The following NRXN3 variants were observed in gnomAD, a reference collection of about 807,000 sequenced individuals.
NRXN3 encodes neurexin III.
In NRXN3, 32 loss-of-function variants were observed where a neutral mutation model predicts 137.6. That is an observed-to-expected ratio of 0.23 (90% CI 0.18 to 0.31). The LOEUF (loss-of-function observed/expected upper bound fraction) is 0.31, where lower values mean the gene tolerates loss of function less well. NRXN3 is among the 10% of genes least tolerant of loss of function. The pLI is 1.00. For synonymous variants in NRXN3, 798 were observed against 784.5 expected, an observed-to-expected ratio of 1.02 and a Z score of -0.29; for missense variants, 1,574 against 2,062.5, an observed-to-expected ratio of 0.76 and a Z score of 4.59.
intron 1 of NRXN3, among the ~76,000 whole-genome samples, chr14:78,175,759 T>C (rs117067708): frequency 0.014 from 2,175 of 152,292 alleles, 15 homozygotes; most frequent in Non-Finnish European, 0.023. Context: ...CTGCAGGTTG[T>C]TCCTCAAATT....
At chr14:79,665,056 T>A (rs2098551492) in intron 17 of NRXN3, among the ~76,000 whole-genome samples, 1 of 152,160 alleles carries the variant, frequency 6.6e-6, no homozygotes, top group Admixed American at 6.6e-5. Flanking sequence ...CAAAGTGAAT[T>A]TGCCTATTTG....
At chr14:78,804,641 A>G (rs1438146437) in intron 9 of NRXN3, among the ~76,000 whole-genome samples, 2 of 152,132 alleles carry the variant, frequency 1.3e-5, no homozygotes, top group Admixed American at 6.5e-5. Flanking sequence ...TTTCTCTTTC[A>G]TTGTAATTAC....
chr14:79,862,445 A>G lies in NRXN3; in HGVS notation c.*481A>G, dbSNP rs1187560445. 1 of 152,572 alleles carries G rather than the reference A, an allele frequency of 6.6e-6. No individual in the cohort carries two copies. Among genetic ancestry groups the G allele is most frequent in the Non-Finnish European group, 1.5e-5 (1 of 68,138 alleles). The allele number at this position is 152,572 out of a possible 1,614,324, so 9.5% of individuals were successfully genotyped here. ...AACAAAACTACAACAACAAAAAAAG[A>G]AAAAAGTTAAAAAAGAAAAAAACAC... On this transcript the variant is annotated 3_prime_UTR_variant, in exon 21 of 21. Transcript: ENST00000335750.
chr14:78,561,151 G>T (rs1246336990), intron 4 of NRXN3, among the ~76,000 whole-genome samples: 1 of 152,148 alleles, frequency 6.6e-6, no homozygotes, highest in African/African-American at 2.4e-5. Context: ...GCTTTTTGAT[G>T]TGACCATCTC....
intron 20 of NRXN3, among the ~76,000 whole-genome samples, chr14:79,821,080 C>T (rs758492229): frequency 1.6e-4 from 24 of 151,756 alleles, no homozygotes; most frequent in Non-Finnish European, 2.9e-4. Context: ...GCAGGAGGCA[C>T]GGGGTCATCT....
intron 4 of NRXN3, among the ~76,000 whole-genome samples, chr14:78,501,031 C>A (rs2095868702): frequency 6.6e-6 from 1 of 152,238 alleles, no homozygotes; most frequent in African/African-American, 2.4e-5. Flanking sequence ...TTTCTTATTG[C>A]CCCACTCCTA....
chr14:78,779,413 T>A (rs919539887), intron 8 of NRXN3, among the ~76,000 whole-genome samples: 2 of 152,030 alleles, frequency 1.3e-5, no homozygotes, highest in Non-Finnish European at 2.9e-5. Context: ...CAAACATATA[T>A]TTACATTAGT....
At chr14:79,089,777 C>T (rs2048817830) in intron 15 of NRXN3, among the ~76,000 whole-genome samples, 1 of 152,066 alleles carries the variant, frequency 6.6e-6, no homozygotes, top group Non-Finnish European at 1.5e-5. Flanking sequence ...TCTTCTTCTG[C>T]ACATTTTTGG....
chr14:78,347,553 A>T (rs1011051613), intron 4 of NRXN3, among the ~76,000 whole-genome samples: 6 of 152,186 alleles, frequency 3.9e-5, no homozygotes, highest in African/African-American at 1.4e-4. Flanking sequence ...ATTTCCAGAT[A>T]GCAAAAGGTA....
intron 16 of NRXN3, among the ~76,000 whole-genome samples, chr14:79,559,548 C>T (rs2097467393): frequency 6.6e-6 from 1 of 151,966 alleles, no homozygotes; most frequent in Non-Finnish European, 1.5e-5. Flanking sequence ...TCAAAGATCA[C>T]TGATCACAGG....
chr14:78,874,628 G>T (rs1249797427), intron 10 of NRXN3, among the ~76,000 whole-genome samples: 1 of 152,036 alleles, frequency 6.6e-6, no homozygotes, highest in African/African-American at 2.4e-5. Context: ...TGTTCAGTTG[G>T]CAGAGTGTCT....
In NRXN3 at chr14:79,049,355, A is replaced by G. The variant is rs373601696; in HGVS notation, c.3262+61214A>G. On this transcript the variant is annotated intron_variant, in intron 15 of 20. Coordinates refer to ENST00000335750, the MANE Select transcript of NRXN3 (RefSeq NM_001330195.2). ...AACCACTTTCTTTGCTTATCATACG[A>G]AGCAACTCCTCATTCATTCATGTTG... 1.2e-4 allele frequency among the ~76,000 whole-genome samples: 19 copies of G among 152,298 alleles called. 1 individual carries two copies. Among genetic ancestry groups the G allele is most frequent in the East Asian group, 9.6e-4 (5 of 5,184 alleles).
chr14:79,271,928 G>A (rs1293495191), intron 15 of NRXN3, among the ~76,000 whole-genome samples: 2 of 152,170 alleles, frequency 1.3e-5, no homozygotes, highest in Non-Finnish European at 2.9e-5. Context: ...ATGATTCATA[G>A]TTGTACAGTT....
intron 11 of NRXN3, among the ~76,000 whole-genome samples, chr14:78,961,012 AT>A (rs201893544): frequency 0.11 from 14,745 of 137,114 alleles, 1,073 homozygotes; most frequent in African/African-American, 0.24. Context: ...GTATTTGCTA[AT>A]TTTTTTTTTT....
intron 4 of NRXN3, among the ~76,000 whole-genome samples, chr14:78,570,168 G>A (rs2096876518): frequency 1.3e-5 from 2 of 152,172 alleles, no homozygotes; most frequent in African/African-American, 4.8e-5. Flanking sequence ...GCCTTTGGGA[G>A]GTAATTAGAT....
chr14:79,369,948 A>G (rs2094034309), intron 15 of NRXN3, among the ~76,000 whole-genome samples: 1 of 152,200 alleles, frequency 6.6e-6, no homozygotes. Context: ...AGATTTCAGT[A>G]CACTTTCCGT....
chr14:78,855,709 T>C (rs565956468), intron 10 of NRXN3, among the ~76,000 whole-genome samples: 2 of 152,334 alleles, frequency 1.3e-5, no homozygotes, highest in East Asian at 3.9e-4. Context: ...TTTTCAAATT[T>C]AGCTACAATT....
intron 4 of NRXN3, among the ~76,000 whole-genome samples, chr14:78,575,374 A>G (rs572060846): frequency 1.3e-5 from 2 of 152,300 alleles, no homozygotes; most frequent in East Asian, 3.9e-4. Flanking sequence ...GTGACCAAAA[A>G]TGAGTACCTG....
intron 8 of NRXN3, among the ~76,000 whole-genome samples, chr14:78,759,269 C>CAACAAGAAT (rs1333389518): frequency 5.3e-5 from 8 of 152,124 alleles, no homozygotes; most frequent in Non-Finnish European, 1.2e-4. Flanking sequence ...GTAGTGATAA[C>CAACAAGAAT]AACAAGAATG....
Sources: gnomAD v4.1 joint callset for allele counts (sites outside exome capture counted in the v4.1 genomes callset) on GRCh38, gnomAD v4.1.1 for gene constraint, MANE v1.5 for transcripts, NCBI Gene and HGNC (gene_info 2026-07-23, HGNC 2026-07-21) for gene names.